Variants in VAV2 observed in about 807,000 individuals in gnomAD.
VAV2 encodes the protein guanine nucleotide exchange factor VAV2.
VAV2 carries 67 observed loss-of-function variants against 132.5 expected under a neutral mutation model. The observed-to-expected ratio is 0.51, with a 90% CI of 0.42 to 0.62. The LOEUF is 0.62. VAV2 is among the 20% of genes least tolerant of loss of function. The probability of loss-of-function intolerance (pLI) is 0.00; values close to 1 mark genes in which losing one functional copy is unlikely to be tolerated. For missense variants in VAV2, 938 were observed against 1,153.6 expected (o/e 0.81, Z 2.71); for synonymous variants, 492 against 443.5 (o/e 1.11, Z -1.37).
In VAV2 at chr9:133,824,527, T is replaced by C. The variant is rs1478058536; in HGVS notation, c.449+9745A>G. ...AGAGCAGGTTTCCTAAATCACACTT[T>C]GGCAAATCCTACGCACTCTTCAAAA... On this transcript the variant is annotated intron_variant, in intron 4 of 29. Transcript: ENST00000371850. This position sits in a 1 kb window ranked among gnomAD's most constrained non-coding sequence, Gnocchi z 5.2. Among the ~76,000 whole-genome samples, 1 of 152,148 alleles carries C rather than the reference T, an allele frequency of 6.6e-6. No homozygotes were observed. Among genetic ancestry groups the C allele is most frequent in the African/African-American group, 2.4e-5 (1 of 41,434 alleles).
At chr9:133,766,426 C>T (rs56355614) in intron 29 of VAV2, among the ~76,000 whole-genome samples, 26,835 of 151,984 alleles carry the variant, frequency 0.18, 3,593 homozygotes, top group African/African-American at 0.38. Flanking sequence ...ATATACACCA[C>T]GGAATACTAT....
intron 2 of VAV2, among the ~76,000 whole-genome samples, chr9:133,897,235 T>A (rs1302160964): frequency 1.3e-5 from 2 of 152,174 alleles, no homozygotes; most frequent in Non-Finnish European, 2.9e-5. Context: ...AGCCGCTCCT[T>A]TGAGCAGCAG....
At position 133,823,309 on chromosome 9, in the gene VAV2, G is replaced by A. The variant is rs1481138893; in HGVS notation, c.449+10963C>T. On this transcript the variant is annotated intron_variant, in intron 4 of 29. Transcript: ENST00000371850. This position sits in a 1 kb window ranked among gnomAD's most constrained non-coding sequence, Gnocchi z 5.5. ...GTCCTGCTGTCCTTTCTAAGCATCT[G>A]GTGAAGGTGAACTTCAATTCAGCCT... is the stretch of plus-strand genomic sequence containing the variant. Among the ~76,000 whole-genome samples, 1 of 152,182 alleles carries A rather than the reference G, an allele frequency of 6.6e-6. No individual in the cohort carries two copies. Among genetic ancestry groups the A allele is most frequent in the Non-Finnish European group, 1.5e-5 (1 of 68,030 alleles).
intron 9 of VAV2, among the ~76,000 whole-genome samples, chr9:133,799,205 G>A (rs2131642776): frequency 1.3e-5 from 2 of 152,328 alleles, no homozygotes; most frequent in Admixed American, 1.3e-4. Context: ...TGCCTAGGGA[G>A]CATGTCCCTT....
At chr9:133,832,680 TCCC>T (rs1836310069) in intron 4 of VAV2, among the ~76,000 whole-genome samples, 1 of 152,126 alleles carries the variant, frequency 6.6e-6, no homozygotes, top group Non-Finnish European at 1.5e-5. Context: ...TGCCTCAGCC[TCCC>T]AAGTAGCTGG....
chr9:133,819,440 C>T lies in VAV2; in HGVS notation c.450-7224G>A, dbSNP rs181777286. 8.4e-3 allele frequency among the ~76,000 whole-genome samples: 1,220 copies of T among 144,990 alleles called. 29 individuals are homozygous for T. Among genetic ancestry groups the T allele is most frequent in the Admixed American group, 0.048 (705 of 14,706 alleles). On this transcript the variant is annotated intron_variant, in intron 4 of 29. Coordinates refer to ENST00000371850, the MANE Select transcript of VAV2 (RefSeq NM_001134398.2). The stretch of plus-strand genomic sequence containing the variant: ...CTCCAGCCTGGGCGACAGAGCGAGG[C>T]TCCGTCTCAAAAAAAAAAAAAGAGT...
chr9:133,789,742 G>A (rs1416764687), intron 13 of VAV2, among the ~76,000 whole-genome samples: 2 of 152,194 alleles, frequency 1.3e-5, no homozygotes, highest in Admixed American at 1.3e-4. Flanking sequence ...CTGCTGCAGG[G>A]CGGGTGGGGC....
rs1297256155 is a variant in VAV2, at chr9:133,775,193, C to T, written c.2019-142G>A. The T allele has an allele frequency of 8.7e-6, 6 of 688,672 alleles. No individual in the cohort carries two copies. In the African/African-American group the frequency reaches 9.1e-5, roughly 10 times the overall value. 42.7% of individuals were successfully genotyped at this position (688,672 alleles called of 1,614,324 possible). On this transcript the variant is annotated intron_variant, in intron 24 of 29. Coordinates refer to ENST00000371850, the MANE Select transcript of VAV2 (RefSeq NM_001134398.2). ...TCATCTCCTAATGAACCCAAGAGAA[C>T]AGGCTGGGTCCCTATGAGCGGGGCA... is the stretch of plus-strand genomic sequence containing the variant.
chr9:133,868,229 G>C (rs1234880560), intron 2 of VAV2, among the ~76,000 whole-genome samples: 1 of 152,242 alleles, frequency 6.6e-6, no homozygotes, highest in Non-Finnish European at 1.5e-5. Context: ...CCCGGGGCTC[G>C]GGTCTGTGTG....
At chr9:133,942,135 T>C (rs1841186659) in intron 1 of VAV2, among the ~76,000 whole-genome samples, 1 of 152,204 alleles carries the variant, frequency 6.6e-6, no homozygotes, top group African/African-American at 2.4e-5. Context: ...CACTGAGTTT[T>C]ACGTTATGTG....
At chr9:133,902,262 C>T (rs897414972) in intron 2 of VAV2, among the ~76,000 whole-genome samples, 2 of 152,260 alleles carry the variant, frequency 1.3e-5, no homozygotes, top group African/African-American at 4.8e-5. Flanking sequence ...ATCCACACAA[C>T]ATGCACAGGG....
intron 2 of VAV2, among the ~76,000 whole-genome samples, chr9:133,886,512 C>T (rs115676813): frequency 0.015 from 2,322 of 152,320 alleles, 37 homozygotes; most frequent in African/African-American, 0.021. Flanking sequence ...AAGCCCCAGA[C>T]TTGACAGCAC....
chr9:133,806,014 C>T, intron 9 of VAV2, 67 bp downstream of exon 9: 1 of 1,493,848 alleles, frequency 6.7e-7, no homozygotes. Context: ...CACAAGAGTT[C>T]CACTTGTGTA....
intron 8 of VAV2, 143 bp downstream of exon 8, chr9:133,807,115 G>A (rs914313925): frequency 4.0e-5 from 36 of 909,960 alleles, no homozygotes; most frequent in Non-Finnish European, 5.7e-5. Flanking sequence ...GAGCGGTGGG[G>A]GCTCCTCCTT....
At chr9:133,989,538 A>AT (rs1564529595) in intron 1 of VAV2, among the ~76,000 whole-genome samples, 4 of 143,872 alleles carry the variant, frequency 2.8e-5, no homozygotes, top group Admixed American at 2.1e-4. Context: ...AAAAAAAAAA[A>AT]GCTGGGCGTG....
At chr9:133,852,919 G>A (rs1837242309) in intron 3 of VAV2, among the ~76,000 whole-genome samples, 2 of 152,196 alleles carry the variant, frequency 1.3e-5, no homozygotes, top group Non-Finnish European at 1.5e-5. Context: ...ACCCCAGGTT[G>A]CACTGGCCAA....
rs116710099 is a variant in VAV2, at chr9:133,890,514, C to T, written c.322-29082G>A. Reference sequence around the variant, plus strand: ...CGGCTCTCCCTAGCTGGAGCAAAGACGACCGCCCCCCACCACCCCCTAGAG... The same window carrying T: ...CGGCTCTCCCTAGCTGGAGCAAAGATGACCGCCCCCCACCACCCCCTAGAG... On this transcript the variant is annotated intron_variant, in intron 2 of 29. Transcript: ENST00000371850. 8.4e-3 allele frequency among the ~76,000 whole-genome samples: 1,273 copies of T among 152,226 alleles called. 18 individuals carry two copies. Among genetic ancestry groups the T allele is most frequent in the African/African-American group, 0.028 (1,145 of 41,526 alleles).
At chr9:133,968,535 C>T (rs1842221288) in intron 1 of VAV2, among the ~76,000 whole-genome samples, 1 of 152,166 alleles carries the variant, frequency 6.6e-6, no homozygotes, top group African/African-American at 2.4e-5. Flanking sequence ...CGGGGCCAGT[C>T]CCATGGTCCC....
chr9:133,972,321 C>T (rs989234161), intron 1 of VAV2, among the ~76,000 whole-genome samples: 3 of 152,212 alleles, frequency 2.0e-5, no homozygotes, highest in South Asian at 2.1e-4. Context: ...GGCACCCGTC[C>T]GTCCGACCCT....
Sources: gnomAD v4.1 joint callset for allele counts (sites outside exome capture counted in the v4.1 genomes callset) on GRCh38, gnomAD v4.1.1 for gene constraint, Gnocchi (gnomAD v3.1) non-coding constraint, MANE v1.5 for transcripts, NCBI Gene and HGNC (gene_info 2026-07-23, HGNC 2026-07-21) for gene names.